The following SCNN1A variants were observed in gnomAD, a reference collection of about 807,000 sequenced individuals.
The protein encoded by SCNN1A is sodium channel epithelial 1 subunit alpha, also known as epithelial sodium channel subunit alpha.
SCNN1A carries 65 observed loss-of-function variants against 68.6 expected under a neutral mutation model. The observed-to-expected ratio is 0.95, with a 90% confidence interval of 0.78 to 1.16. SCNN1A has a LOEUF of 1.16. Ranked by LOEUF, SCNN1A falls within the 50% of genes most tolerant of loss-of-function variation. The probability of loss-of-function intolerance (pLI) is 0.00; values close to 1 mark genes in which losing one functional copy is unlikely to be tolerated. For synonymous variants in SCNN1A, 357 were observed against 353.3 expected (o/e 1.01, Z -0.12); for missense variants, 880 against 865.9 (o/e 1.02, Z -0.20).
rs556247628 is a variant in SCNN1A, at chr12:6,374,804, G to A, written c.-21C>T. On this transcript the variant is annotated 5_prime_UTR_variant, in exon 2 of 13. Transcript: ENST00000228916. This position sits in a 1 kb window ranked among gnomAD's most constrained non-coding sequence, Gnocchi z 6.2. The stretch of plus-strand genomic sequence containing the variant: ...TCCATGAGACCTGGTATGGGCTGCA[G>A]AGGTCTAGGGTCCTGCTCCTCCAGC... The A allele has an allele frequency of 1.8e-5, 29 of 1,613,940 alleles. No individual in the cohort carries two copies. In the African/African-American group the frequency reaches 2.5e-4, roughly 14 times the overall value.
intron 4 of SCNN1A, among the ~76,000 whole-genome samples, chr12:6,361,492 C>A (rs1397212595): frequency 1.3e-5 from 2 of 152,188 alleles, no homozygotes; most frequent in South Asian, 2.1e-4. Flanking sequence ...GTAATCCCAG[C>A]ACTTTGGGAG....
At chr12:6,353,603 T>TA (rs1948428072) in intron 8 of SCNN1A, 2 of 146,076 alleles carry the variant, frequency 1.4e-5, no homozygotes, top group African/African-American at 5.2e-5. Flanking sequence ...TTTATTTATT[T>TA]TTTTTTGAGA....
At chr12:6,377,320 A>C (rs919120739), upstream of SCNN1A, 48 of 1,457,504 alleles carry the variant, frequency 3.3e-5, no homozygotes, top group Non-Finnish European at 7.5e-6. Flanking sequence ...CCTAATGAAG[A>C]AACTGACCCT....
At chr12:6,362,024 G>A (rs199896216) in intron 4 of SCNN1A, 27 bp downstream of exon 4, 1 of 1,612,624 alleles carries the variant, frequency 6.2e-7, no homozygotes, top group East Asian at 2.2e-5. Context: ...CCCGCGGAGA[G>A]CAAGGAGCCA....
intron 4 of SCNN1A, among the ~76,000 whole-genome samples, chr12:6,359,188 T>C (rs775318311): frequency 6.6e-6 from 1 of 152,120 alleles, no homozygotes; most frequent in Admixed American, 6.6e-5. Context: ...GTTACACAAC[T>C]CCAAATATAT....
At chr12:6,373,858 C>T (rs1171790088) in intron 2 of SCNN1A, among the ~76,000 whole-genome samples, 1 of 152,218 alleles carries the variant, frequency 6.6e-6, no homozygotes, top group Non-Finnish European at 1.5e-5. Context: ...CGATCCCCCT[C>T]TTTGCTTTCT....
upstream of SCNN1A, chr12:6,377,111 C>T (rs1431598465): frequency 9.9e-5 from 62 of 625,372 alleles, no homozygotes; most frequent in South Asian, 1.4e-3. Flanking sequence ...AGGAGTTTAG[C>T]AGGCAAAGAA....
In SCNN1A at chr12:6,374,273, AGGTCT is replaced by A; in HGVS notation, c.416+90_416+94del. On this transcript the variant is annotated intron_variant, in intron 2 of 12. Coordinates refer to ENST00000228916, the MANE Select transcript of SCNN1A (RefSeq NM_001038.6). The surrounding 1 kb of genome is among the most constrained non-coding windows in gnomAD (Gnocchi z 6.2). ...GACAGGGGTGTCAGTTCCCACCCTC[AGGTCT>A]GAGGCTCTGCCTGCCCAGTGAGCAC... is the stretch of plus-strand genomic sequence containing the variant. The A allele has an allele frequency of 7.4e-7, 1 of 1,350,012 alleles. No homozygotes were observed. The highest frequency in any genetic ancestry group is 1.0e-6 in the Non-Finnish European group (1 of 972,734). 83.6% of individuals were successfully genotyped at this position (1,350,012 alleles called of 1,614,324 possible).
intron 1 of SCNN1A, 26 bp downstream of exon 1, chr12:6,375,479 G>A: frequency 6.5e-7 from 1 of 1,535,570 alleles, no homozygotes; most frequent in Non-Finnish European, 8.7e-7. Context: ...GTTGAATCTG[G>A]CAGCCAAACC....
chr12:6,365,124 A>G (rs984564099), intron 2 of SCNN1A, among the ~76,000 whole-genome samples: 21 of 151,374 alleles, frequency 1.4e-4, no homozygotes, highest in African/African-American at 1.9e-4. Flanking sequence ...GGCTCAAGCA[A>G]TCCTCCCGCC....
chr12:6,356,819 G>A (rs1261413273), intron 4 of SCNN1A, among the ~76,000 whole-genome samples: 2 of 152,182 alleles, frequency 1.3e-5, no homozygotes, highest in Non-Finnish European at 1.5e-5. Flanking sequence ...AAGACGGAAA[G>A]GGGACTTCGG....
chr12:6,376,929 T>C (rs1245124512), upstream of SCNN1A, among the ~76,000 whole-genome samples: 1 of 152,222 alleles, frequency 6.6e-6, no homozygotes, highest in African/African-American at 2.4e-5. Context: ...GGTTTCTATT[T>C]GTACACTTTA....
chr12:6,376,715 C>A (rs1184714290), upstream of SCNN1A, among the ~76,000 whole-genome samples: 1 of 152,108 alleles, frequency 6.6e-6, no homozygotes. Context: ...GGAGGAGACT[C>A]GGGAGAGCCA....
chr12:6,356,254 A>G, intron 4 of SCNN1A: 1 of 320,132 alleles, frequency 3.1e-6, no homozygotes, highest in Non-Finnish European at 6.1e-6. Context: ...CTCTTGTTGC[A>G]TTACAAAGAT....
rs774485921 is a variant in SCNN1A at position 6,363,568 on chromosome 12, G to A, written c.559C>T (p.Pro187Ser). 9.3e-6 allele frequency: 15 copies of A among 1,611,614 alleles called. No homozygotes were observed. Among genetic ancestry groups the A allele is most frequent in the Non-Finnish European group, 1.3e-5 (15 of 1,179,056 alleles). The change falls in exon 3 of 13, where the codon CCC becomes TCC. Residue 187 changes from proline to serine, a missense_variant. By Grantham distance (74) the Pro-to-Ser change is moderately conservative. Around this residue, in one of 3 missense-constraint regions of SCNN1A, gnomAD observed 758 missense variants for 721.8 expected, o/e 1.05. Transcript: ENST00000228916. ...GGCGGGACCCTCAGGCGCTGCAAGG[G>A]GTGCGGCAGAGTCCCCCGCAGGTCG... ...RRDLRGTLPH[P>S]LQRLRVPPPP...
Position 6,348,210 on chromosome 12 carries a change from C to G in SCNN1A, c.1673G>C (p.Trp558Ser). The G allele has an allele frequency of 6.2e-7, 1 of 1,614,152 alleles. No individual in the cohort carries two copies. The highest frequency in any genetic ancestry group is 8.5e-7 in the Non-Finnish European group (1 of 1,180,018). ...CACAGACAACACCGAGGAGCCGAAC[C>G]ACAGGCTCCACTGGCTGCCCAGGTT... ...LSNLGSQWSL[W>S]FGSSVLSVVE... The change falls in exon 13 of 13, where the codon TGG becomes TCG. Residue 558 changes from tryptophan (W) to serine (S), a missense_variant. This residue lies in a region of SCNN1A where 758 missense variants were observed against 721.8 expected (regional missense o/e 1.05). Transcript: ENST00000228916.
intron 4 of SCNN1A, chr12:6,356,525 G>T (rs567458219): frequency 1.2e-5 from 2 of 165,586 alleles, no homozygotes; most frequent in Non-Finnish European, 2.7e-5. Flanking sequence ...GGTGAGCACG[G>T]AGCTGAGGGG....
At chr12:6,369,771 T>A (rs1184913929) in intron 2 of SCNN1A, among the ~76,000 whole-genome samples, 1 of 148,366 alleles carries the variant, frequency 6.7e-6, no homozygotes, top group Non-Finnish European at 1.5e-5. Context: ...GAGGCGGAGC[T>A]TGCAGTGAGC....
At position 6,349,536 on chromosome 12, in the gene SCNN1A, T is replaced by C. The variant is rs1012503250; in HGVS notation, c.1361-131A>G. 1.5e-4 allele frequency: 111 copies of C among 718,922 alleles called. 1 individual carries two copies. The highest frequency in any genetic ancestry group is 1.5e-4 in the South Asian group (10 of 66,996). 44.5% of individuals were successfully genotyped at this position (718,922 alleles called of 1,614,324 possible). A position where few individuals can be genotyped will look rare whatever the true frequency, so the allele number is the denominator to read the frequency against. On this transcript the variant is annotated intron_variant, in intron 8 of 12. Coordinates refer to ENST00000228916, the MANE Select transcript of SCNN1A (RefSeq NM_001038.6). Reference sequence around the variant, plus strand: ...TATTTAGCATTATAATGATGCCTTATGAGTGGCAGTACCAAGAAGCGTTTA... The same window carrying C: ...TATTTAGCATTATAATGATGCCTTACGAGTGGCAGTACCAAGAAGCGTTTA...
Sources: allele counts gnomAD v4.1 joint callset (sites outside exome capture counted in the v4.1 genomes callset), GRCh38; gene constraint gnomAD v4.1.1; regional missense constraint gnomAD v4.1.1; non-coding constraint Gnocchi (gnomAD v3.1); transcripts MANE v1.5; gene names NCBI Gene and HGNC (gene_info 2026-07-23, HGNC 2026-07-21).